GOLGA4: variants seen among roughly 807,000 people sequenced by gnomAD.
The protein encoded by GOLGA4 is golgin A4, also known as golgin subfamily A member 4.
GOLGA4 carries 169 observed loss-of-function variants against 265.9 expected under a neutral mutation model. The observed-to-expected ratio is 0.64, with a 90% CI of 0.56 to 0.72. The LOEUF (loss-of-function observed/expected upper bound fraction) is 0.72, where lower values mean the gene tolerates loss of function less well. Ranked by LOEUF, GOLGA4 falls within the 30% of genes least tolerant of loss-of-function variation. The pLI, the probability that GOLGA4 is intolerant of heterozygous loss-of-function variation, is 0.00. For synonymous variants in GOLGA4, 923 were observed against 855.8 expected (o/e 1.08, Z -1.37); for missense variants, 2,482 against 2,483.4 (o/e 1.00, Z 0.01).
chr3:37,299,147 C>T (rs1438752692), intron 8 of GOLGA4, 127 bp downstream of exon 8: 5 of 934,356 alleles, frequency 5.4e-6, no homozygotes, highest in Non-Finnish European at 8.1e-6. Context: ...CCCTGGCCTA[C>T]ATAACACCAA....
intron 2 of GOLGA4, among the ~76,000 whole-genome samples, chr3:37,279,314 C>T (rs1325530587): frequency 6.6e-6 from 1 of 152,208 alleles, no homozygotes; most frequent in African/African-American, 2.4e-5. Flanking sequence ...TCACACCTCA[C>T]CTCGTGATGA....
intron 3 of GOLGA4, among the ~76,000 whole-genome samples, chr3:37,283,741 G>A (rs780994444): frequency 1.3e-5 from 2 of 152,022 alleles, no homozygotes; most frequent in Non-Finnish European, 2.9e-5. Context: ...TGCCCAGCCT[G>A]GTCTTGAACT....
At chr3:37,300,745 A>C (rs2096890520) in intron 9 of GOLGA4, among the ~76,000 whole-genome samples, 1 of 152,188 alleles carries the variant, frequency 6.6e-6, no homozygotes, top group African/African-American at 2.4e-5. Context: ...ACAATACTAT[A>C]ACCACATTAT....
At chr3:37,251,566 C>T in intron 2 of GOLGA4, 82 bp downstream of exon 2, 1 of 802,764 alleles carries the variant, frequency 1.2e-6, no homozygotes, top group Non-Finnish European at 2.1e-6. Flanking sequence ...AAATGGGAAA[C>T]TTTTGACAGG....
intron 5 of GOLGA4, among the ~76,000 whole-genome samples, chr3:37,291,100 G>C (rs2096863382): frequency 6.6e-6 from 1 of 152,118 alleles, no homozygotes; most frequent in Non-Finnish European, 1.5e-5. Flanking sequence ...GTAATGGAGA[G>C]CAGGCATGTT....
intron 1 of GOLGA4, among the ~76,000 whole-genome samples, chr3:37,247,815 C>T (rs2096723521): frequency 6.6e-6 from 1 of 152,192 alleles, no homozygotes; most frequent in Admixed American, 6.5e-5. Context: ...TCATTTCTTG[C>T]TGACCACTTT....
chr3:37,278,949 A>T (rs1030492857), intron 2 of GOLGA4, among the ~76,000 whole-genome samples: 4 of 151,984 alleles, frequency 2.6e-5, no homozygotes, highest in African/African-American at 9.7e-5. Context: ...AGTGACTGGG[A>T]TTACAGATGT....
At chr3:37,365,164 C>T (rs1418193754) in intron 23 of GOLGA4, among the ~76,000 whole-genome samples, 2 of 152,152 alleles carry the variant, frequency 1.3e-5, no homozygotes, top group Admixed American at 1.3e-4. Flanking sequence ...TAAATTTCCA[C>T]ACCAAAATGC....
At chr3:37,321,412 T>C (rs887157609) in intron 12 of GOLGA4, among the ~76,000 whole-genome samples, 2 of 152,176 alleles carry the variant, frequency 1.3e-5, no homozygotes, top group African/African-American at 2.4e-5. Flanking sequence ...CTCTGGAGTG[T>C]AGAGATGAGG....
At chr3:37,246,680 G>A (rs1051724284) in intron 1 of GOLGA4, among the ~76,000 whole-genome samples, 5 of 152,228 alleles carry the variant, frequency 3.3e-5, no homozygotes, top group African/African-American at 1.2e-4. Context: ...AAACGTACTG[G>A]TGATGGATGG....
chr3:37,333,186 C>A lies in GOLGA4; in HGVS notation c.6193-1867C>A, dbSNP rs141869211. Among the ~76,000 whole-genome samples the A allele has an allele frequency of 1.6e-4, 24 of 152,338 alleles. No individual in the cohort carries two copies. The East Asian group carries it at 4.4e-3, about 28-fold the overall frequency. On this transcript the variant is annotated intron_variant, in intron 16 of 23. Coordinates refer to ENST00000361924, the MANE Select transcript of GOLGA4 (RefSeq NM_002078.5). ...GCTTACCAAATAGCCTAATCCCAAT[C>A]TCAGAGCAGTCTCACTTGCAGAGTA... is the stretch of plus-strand genomic sequence containing the variant.
chr3:37,243,692 G>C (rs941104608), intron 1 of GOLGA4, 70 bp downstream of exon 1: 2 of 1,264,398 alleles, frequency 1.6e-6, no homozygotes, highest in African/African-American at 1.5e-5. Context: ...CGAAAGAGGC[G>C]GGGGGAGTGG....
intron 1 of GOLGA4, among the ~76,000 whole-genome samples, chr3:37,248,002 C>T (rs1174891593): frequency 6.6e-6 from 1 of 152,150 alleles, no homozygotes; most frequent in Non-Finnish European, 1.5e-5. Context: ...TGATTAGTAA[C>T]CTAGTAACCT....
At position 37,324,145 on chromosome 3, in the gene GOLGA4, A is replaced by G; in HGVS notation, c.2259A>G (p.Ala753=). Reference sequence around the variant, plus strand: ...TATCTATCCAGAGGACTGAGAAGGCATTAAAAGATCAAATTAATCAACTTG... The same window carrying G: ...TATCTATCCAGAGGACTGAGAAGGCGTTAAAAGATCAAATTAATCAACTTG... The part of the protein sequence containing the change: ...HEVSIQRTEK[A]LKDQINQLEL... The change falls in exon 14 of 24, where the codon GCA becomes GCG. Residue 753 remains alanine (A), a synonymous_variant. Transcript: ENST00000361924. 6.2e-7 allele frequency: 1 copy of G among 1,614,100 alleles called. No homozygotes were observed. Among genetic ancestry groups the G allele is most frequent in the Non-Finnish European group, 8.5e-7 (1 of 1,179,952 alleles).
At chr3:37,289,729 C>T (rs1160970826) in intron 5 of GOLGA4, among the ~76,000 whole-genome samples, 1 of 152,116 alleles carries the variant, frequency 6.6e-6, no homozygotes, top group African/African-American at 2.4e-5. Flanking sequence ...TACCCACTTG[C>T]CATCGGAGTA....
chr3:37,331,052 C>G (rs964034149), intron 16 of GOLGA4, among the ~76,000 whole-genome samples: 2 of 145,342 alleles, frequency 1.4e-5, no homozygotes, highest in Non-Finnish European at 3.0e-5. Flanking sequence ...AAAAAAAATG[C>G]AAGCCACAAA....
Position 37,286,003 on chromosome 3 carries a change from C to A in GOLGA4, c.478-11C>A. On this transcript the variant is annotated splice_polypyrimidine_tract_variant and intron_variant, in intron 3 of 23. Transcript: ENST00000361924. ...TAGGAATGACTAATGTTGTTGATGACTATATTTTAGCTTGTTACAGCTTAT... is the reference window on the plus strand; with the variant it reads ...TAGGAATGACTAATGTTGTTGATGAATATATTTTAGCTTGTTACAGCTTAT... The A allele has an allele frequency of 6.6e-7, 1 of 1,511,384 alleles. No homozygotes were observed. Among genetic ancestry groups the A allele is most frequent in the Non-Finnish European group, 9.1e-7 (1 of 1,099,002 alleles). 93.6% of individuals were successfully genotyped at this position (1,511,384 alleles called of 1,614,324 possible).
At chr3:37,309,282 G>A (rs1384399340) in intron 10 of GOLGA4, among the ~76,000 whole-genome samples, 3 of 150,736 alleles carry the variant, frequency 2.0e-5, no homozygotes, top group African/African-American at 2.4e-5. Context: ...TAGGCCGGGC[G>A]TGATGGCTCA....
At chr3:37,351,014 T>C (rs539197064) in intron 21 of GOLGA4, among the ~76,000 whole-genome samples, 2 of 152,134 alleles carry the variant, frequency 1.3e-5, no homozygotes, top group African/African-American at 4.8e-5. Flanking sequence ...GCCATATCAG[T>C]TGACACTTCC....
Sources: gnomAD v4.1 joint callset for allele counts (sites outside exome capture counted in the v4.1 genomes callset) on GRCh38, gnomAD v4.1.1 for gene constraint, MANE v1.5 for transcripts, NCBI Gene and HGNC (gene_info 2026-07-23, HGNC 2026-07-21) for gene names.